GMCL1: variants seen among roughly 807,000 people sequenced by gnomAD.
The protein encoded by GMCL1 is germ cell-less protein-like 1.
Under a neutral mutation model 75.5 loss-of-function variants are expected in GMCL1, and 54 were observed. That is an observed-to-expected ratio of 0.71 (90% CI 0.57 to 0.90). The LOEUF (loss-of-function observed/expected upper bound fraction) is 0.90. Among genes scored for constraint, GMCL1 ranks in the 40% least tolerant of loss-of-function variants. The pLI, the probability that GMCL1 is intolerant of heterozygous loss-of-function variation, is 0.00. For missense variants in GMCL1, 537 were observed against 622.7 expected, an observed-to-expected ratio of 0.86 and a Z score of 1.47; for synonymous variants, 210 against 209.6, an observed-to-expected ratio of 1.00 and a Z score of -0.02.
intron 7 of GMCL1, among the ~76,000 whole-genome samples, chr2:69,848,192 C>A (rs1468602899): frequency 6.6e-6 from 1 of 152,176 alleles, no homozygotes; most frequent in East Asian, 1.9e-4. Flanking sequence ...CTTGGGAGTC[C>A]TAGTCCATTG....
chr2:69,860,647 A>G (rs1675613183), intron 9 of GMCL1, among the ~76,000 whole-genome samples: 1 of 152,220 alleles, frequency 6.6e-6, no homozygotes, highest in African/African-American at 2.4e-5. Context: ...AAAAATTAAT[A>G]TGAACTATGA....
chr2:69,855,873 C>T (rs770920335), intron 9 of GMCL1, among the ~76,000 whole-genome samples: 5 of 152,106 alleles, frequency 3.3e-5, no homozygotes, highest in Admixed American at 2.0e-4. Flanking sequence ...TTACATATGC[C>T]GCTCTAACTG....
At chr2:69,834,952 G>T (rs1674777855) in intron 1 of GMCL1, among the ~76,000 whole-genome samples, 1 of 151,698 alleles carries the variant, frequency 6.6e-6, no homozygotes, top group African/African-American at 2.4e-5. Flanking sequence ...CTATCATTAG[G>T]TTGTTTGGCC....
At chr2:69,841,990 T>C (rs1193373892) in intron 4 of GMCL1, among the ~76,000 whole-genome samples, 1 of 152,222 alleles carries the variant, frequency 6.6e-6, no homozygotes, top group Non-Finnish European at 1.5e-5. Flanking sequence ...CTAAGAAGTT[T>C]AGCATACACA....
intron 6 of GMCL1, among the ~76,000 whole-genome samples, chr2:69,845,865 A>G (rs2103972554): frequency 6.6e-6 from 1 of 152,240 alleles, no homozygotes; most frequent in East Asian, 1.9e-4. Flanking sequence ...ACAAGGATAC[A>G]AATGTGTCCG....
chr2:69,838,189 A>G (rs1017728162), intron 2 of GMCL1, among the ~76,000 whole-genome samples: 2 of 151,866 alleles, frequency 1.3e-5, no homozygotes, highest in Non-Finnish European at 2.9e-5. Context: ...CAGAACTTTC[A>G]TAGCTGACGT....
At chr2:69,841,697 A>AT (rs1163776240) in intron 4 of GMCL1, among the ~76,000 whole-genome samples, 3 of 152,240 alleles carry the variant, frequency 2.0e-5, no homozygotes, top group African/African-American at 7.2e-5. Context: ...ATCCTGTAGC[A>AT]TTTAGTGAAT....
At chr2:69,866,331 TC>T (rs953896095) in intron 11 of GMCL1, among the ~76,000 whole-genome samples, 2 of 151,982 alleles carry the variant, frequency 1.3e-5, no homozygotes, top group African/African-American at 4.8e-5. Context: ...TTTTAAATAT[TC>T]CCCCCTAACT....
intron 11 of GMCL1, among the ~76,000 whole-genome samples, chr2:69,865,662 A>G (rs956663912): frequency 3.3e-5 from 5 of 152,152 alleles, no homozygotes; most frequent in Non-Finnish European, 7.4e-5. Context: ...AAAAAAAGAT[A>G]TTTTTTCATT....
At chr2:69,837,091 AAATTACT>A (rs1489013807) in intron 1 of GMCL1, among the ~76,000 whole-genome samples, 25 of 152,204 alleles carry the variant, frequency 1.6e-4, no homozygotes, top group Admixed American at 1.6e-3. Flanking sequence ...AATTATTTTA[AAATTACT>A]TGGGTAGGTG....
rs1207817401 is a variant in GMCL1, at chr2:69,859,742, TAAA to T, written c.1073-1522_1073-1520del. 1.5e-4 allele frequency among the ~76,000 whole-genome samples: 12 copies of T among 79,094 alleles called. 2 individuals are homozygous for T. In the East Asian group the frequency reaches 3.7e-3, roughly 25 times the overall value. The allele number at this position is 79,094 out of a possible 152,430, so 51.9% of individuals were successfully genotyped here. A position where few individuals can be genotyped will look rare whatever the true frequency, so the allele number is the denominator to read the frequency against. On this transcript the variant is annotated intron_variant, in intron 9 of 13. Transcript: ENST00000282570. ...GAGTGAGACCGTGTCTCTCTCTCTCTAAAAAAAAAAAAAAAAGTATATATGGGA... is the reference window on the plus strand; with the variant it reads ...GAGTGAGACCGTGTCTCTCTCTCTCTAAAAAAAAAAAAAGTATATATGGGA...
intron 12 of GMCL1, among the ~76,000 whole-genome samples, chr2:69,871,423 A>G (rs1239352761): frequency 6.6e-6 from 1 of 152,220 alleles, no homozygotes; most frequent in African/African-American, 2.4e-5. Context: ...GGGAAAATTA[A>G]AATGTTCTAG....
chr2:69,856,493 A>G (rs1177723822), intron 9 of GMCL1, among the ~76,000 whole-genome samples: 2 of 152,110 alleles, frequency 1.3e-5, no homozygotes, highest in Non-Finnish European at 2.9e-5. Context: ...ATCTTAGGTC[A>G]TTAGGTTCAT....
intron 2 of GMCL1, 42 bp downstream of exon 2, chr2:69,837,712 A>G (rs769003936): frequency 1.7e-5 from 26 of 1,571,900 alleles, no homozygotes; most frequent in Non-Finnish European, 2.2e-5. Flanking sequence ...AGTCACTGAA[A>G]CTCTTAAGTC....
chr2:69,830,258 G>A (rs1408316425), intron 1 of GMCL1, 106 bp downstream of exon 1: 23 of 1,373,762 alleles, frequency 1.7e-5, no homozygotes, highest in Middle Eastern at 2.5e-4. Context: ...CCAGCCTATG[G>A]AGAGGGGACG....
At chr2:69,876,951 G>A (rs752532102) in intron 13 of GMCL1, among the ~76,000 whole-genome samples, 5 of 152,172 alleles carry the variant, frequency 3.3e-5, no homozygotes, top group African/African-American at 7.2e-5. Flanking sequence ...TCATGCCACC[G>A]CACTCCAGCC....
chr2:69,856,880 CCCCCAAT>C (rs1675486147), intron 9 of GMCL1, among the ~76,000 whole-genome samples: 1 of 151,966 alleles, frequency 6.6e-6, no homozygotes, highest in South Asian at 2.1e-4. Context: ...GTCTATTTCT[CCCCCAAT>C]CCAGTCACAT....
rs1481580079 is a variant in GMCL1, at chr2:69,854,835, T to C, written c.947T>C (p.Met316Thr). The change falls in exon 9 of 14, where the codon ATG becomes ACG. Residue 316 changes from methionine to threonine, a missense_variant. Physicochemically the swap from Met to Thr is moderately conservative, Grantham distance 81. This residue lies in a region of GMCL1 where 345 missense variants were observed against 410.5 expected (regional missense o/e 0.84). Coordinates refer to ENST00000282570, the MANE Select transcript of GMCL1 (RefSeq NM_178439.5). ...TGGTTTTTTATAGATTTTGAAGGTA[T>C]GGCCTTTCTTGAAACTGAACAAGGA... is the stretch of plus-strand genomic sequence containing the variant. ...FSKQRKDFEGMAFLETEQGKP... is the reference protein window; with the variant it reads ...FSKQRKDFEGTAFLETEQGKP... The C allele has an allele frequency of 2.5e-6, 4 of 1,608,970 alleles. No homozygotes were observed. Among genetic ancestry groups the C allele is most frequent in the Non-Finnish European group, 1.7e-6 (2 of 1,178,454 alleles).
At chr2:69,874,926 A>G (rs569628806) in intron 13 of GMCL1, among the ~76,000 whole-genome samples, 61 of 151,440 alleles carry the variant, frequency 4.0e-4, no homozygotes, top group African/African-American at 1.4e-3. Flanking sequence ...GTATTTTTTT[A>G]TAGAGACGAG....
Sources: gnomAD v4.1 joint callset for allele counts (sites outside exome capture counted in the v4.1 genomes callset) on GRCh38, gnomAD v4.1.1 for gene constraint, gnomAD v4.1.1 regional missense constraint, MANE v1.5 for transcripts, NCBI Gene and HGNC (gene_info 2026-07-23, HGNC 2026-07-21) for gene names.